Variants in KDM6A observed in about 807,000 individuals in gnomAD.
KDM6A encodes lysine-specific demethylase 6A.
In KDM6A, 11 loss-of-function variants were observed where a neutral mutation model predicts 117.6. That is an observed-to-expected ratio of 0.09 (90% confidence interval 0.06 to 0.15). The LOEUF (loss-of-function observed/expected upper bound fraction) is 0.15, where lower values mean the gene tolerates loss of function less well. Ranked by LOEUF, KDM6A falls within the 10% of genes least tolerant of loss-of-function variation. KDM6A has a pLI of 1.00. For synonymous variants in KDM6A, 384 were observed against 396.1 expected, an observed-to-expected ratio of 0.97 and a Z score of 0.36; for missense variants, 799 against 1,077.3, an observed-to-expected ratio of 0.74 and a Z score of 3.62.
At chrX:45,034,380 T>C (rs747694720) in intron 6 of KDM6A, among the ~76,000 whole-genome samples, 1 of 112,093 alleles carries the variant, frequency 8.9e-6, no homozygotes, top group African/African-American at 3.2e-5. Flanking sequence ...AGGACAGTTA[T>C]ATTTGGTAGA....
At chrX:45,046,672 A>C (rs1336899727) in intron 8 of KDM6A, among the ~76,000 whole-genome samples, 2 of 111,876 alleles carry the variant, frequency 1.8e-5, no homozygotes, top group East Asian at 5.6e-4. Context: ...AAATACCAAC[A>C]AACTTTTGTT....
chrX:44,975,553 C>CT (rs1287494726), intron 4 of KDM6A, among the ~76,000 whole-genome samples: 2 of 110,187 alleles, frequency 1.8e-5, no homozygotes, highest in Admixed American at 9.7e-5. Flanking sequence ...TAATCTCTGG[C>CT]TTTTTTTTAA....
intron 2 of KDM6A, among the ~76,000 whole-genome samples, chrX:44,898,882 C>T (rs1471961138): frequency 5.6e-5 from 6 of 107,049 alleles, no homozygotes; most frequent in Non-Finnish European, 1.2e-4. Context: ...ATCCACTCTG[C>T]CCTTCCAGTA....
At chrX:45,092,370 C>T (rs2045926007) in intron 27 of KDM6A, among the ~76,000 whole-genome samples, 1 of 111,485 alleles carries the variant, frequency 9.0e-6, no homozygotes, top group Non-Finnish European at 1.9e-5. Context: ...TTAATCAGCT[C>T]CTACTTAATA....
At chrX:44,971,680 G>T (rs1288258154) in intron 3 of KDM6A, among the ~76,000 whole-genome samples, 1 of 111,051 alleles carries the variant, frequency 9.0e-6, no homozygotes, top group Non-Finnish European at 1.9e-5. Flanking sequence ...CAAAATGAGG[G>T]GTTTATATGG....
intron 8 of KDM6A, among the ~76,000 whole-genome samples, chrX:45,042,425 C>A (rs904007805): frequency 2.7e-5 from 3 of 109,447 alleles, no homozygotes; most frequent in Non-Finnish European, 5.7e-5. Flanking sequence ...TAAAAAAAAA[C>A]TCTACACCAG....
intron 4 of KDM6A, among the ~76,000 whole-genome samples, chrX:45,004,141 G>T (rs1175725569): frequency 9.1e-6 from 1 of 110,352 alleles, no homozygotes; most frequent in Admixed American, 9.6e-5. Flanking sequence ...CCTGTTCTTC[G>T]ACATCAATAG....
At chrX:44,949,434 A>G (rs1440947883) in intron 2 of KDM6A, among the ~76,000 whole-genome samples, 4 of 111,636 alleles carry the variant, frequency 3.6e-5, no homozygotes, top group African/African-American at 1.3e-4. Flanking sequence ...GCATATATGC[A>G]TAGAGAAAAG....
At chrX:45,005,764 G>A (rs890975481) in intron 4 of KDM6A, among the ~76,000 whole-genome samples, 8 of 109,523 alleles carry the variant, frequency 7.3e-5, no homozygotes, top group Admixed American at 3.9e-4. Flanking sequence ...TGGTTTTGGG[G>A]TAAGTTTCAA....
At chrX:45,071,970 T>C (rs1174703054) in intron 18 of KDM6A, among the ~76,000 whole-genome samples, 1 of 111,188 alleles carries the variant, frequency 9.0e-6, no homozygotes. Flanking sequence ...AGACGGGGTT[T>C]CTCCATGTTG....
intron 8 of KDM6A, among the ~76,000 whole-genome samples, chrX:45,040,192 C>T (rs2043011608): frequency 1.1e-5 from 1 of 93,014 alleles, no homozygotes; most frequent in South Asian, 6.1e-4. Context: ...CAGAGGGGCT[C>T]CTTACTTCCC....
intron 10 of KDM6A, 66 bp downstream of exon 10, chrX:45,054,021 T>C: frequency 9.3e-7 from 1 of 1,078,311 alleles, no homozygotes; most frequent in Non-Finnish European, 1.3e-6. Context: ...AATTACAATT[T>C]AAAATGTTAG....
At chrX:45,070,969 A>G (rs2044799290) in intron 18 of KDM6A, among the ~76,000 whole-genome samples, 1 of 111,717 alleles carries the variant, frequency 9.0e-6, no homozygotes, top group African/African-American at 3.3e-5. Context: ...TTATGAAGAA[A>G]TGAACCTCCT....
At chrX:45,083,667 C>T (rs1282244298) in intron 24 of KDM6A, 59 bp downstream of exon 24, 2 of 982,719 alleles carry the variant, frequency 2.0e-6, no homozygotes, top group African/African-American at 1.9e-5. Flanking sequence ...AAATATGAAA[C>T]ATGCAAAGAC....
chrX:44,910,390 T>C (rs2035016129), intron 2 of KDM6A, among the ~76,000 whole-genome samples: 1 of 111,420 alleles, frequency 9.0e-6, no homozygotes, highest in African/African-American at 3.3e-5. Flanking sequence ...AGTTTTGTCA[T>C]GTTGGCCAGG....
intron 2 of KDM6A, among the ~76,000 whole-genome samples, chrX:44,905,295 A>T (rs2034585197): frequency 1.8e-5 from 2 of 112,184 alleles, no homozygotes; most frequent in African/African-American, 3.2e-5. Context: ...GTAAGATTAT[A>T]ATACCATATT....
At chrX:44,899,819 T>C (rs915140251) in intron 2 of KDM6A, among the ~76,000 whole-genome samples, 1 of 111,740 alleles carries the variant, frequency 8.9e-6, no homozygotes, top group Admixed American at 9.6e-5. Context: ...GGAAGGCTTA[T>C]AGTAATTCAA....
intron 2 of KDM6A, among the ~76,000 whole-genome samples, chrX:44,893,598 C>T (rs1242314777): frequency 3.7e-5 from 4 of 106,752 alleles, no homozygotes; most frequent in Admixed American, 3.0e-4. Flanking sequence ...CAACCTCCGC[C>T]TCCTGGGTTC....
intron 2 of KDM6A, among the ~76,000 whole-genome samples, chrX:44,909,877 G>A (rs1422343509): frequency 8.9e-6 from 1 of 112,013 alleles, no homozygotes; most frequent in East Asian, 2.8e-4. Context: ...TGTGTGAAAA[G>A]AATAAAGGAG....
Sources: gnomAD v4.1 joint callset for allele counts (sites outside exome capture counted in the v4.1 genomes callset) on GRCh38, gnomAD v4.1.1 for gene constraint, MANE v1.5 for transcripts, NCBI Gene and HGNC (gene_info 2026-07-23, HGNC 2026-07-21) for gene names.